Variants in TNIK observed in about 807,000 individuals in gnomAD.
TNIK encodes the protein TRAF2 and NCK interacting kinase.
Under a neutral mutation model 191.3 loss-of-function variants are expected in TNIK, and 49 were observed. The observed-to-expected ratio is 0.26, with a 90% CI of 0.20 to 0.32. The LOEUF is 0.32. TNIK is among the 10% of genes least tolerant of loss of function. The pLI, the probability that TNIK is intolerant of heterozygous loss-of-function variation, is 1.00. For missense variants in TNIK, 1,155 were observed against 1,702.3 expected (o/e 0.68, Z 5.66); for synonymous variants, 594 against 600.9 (o/e 0.99, Z 0.17).
chr3:171,271,000 T>G (rs2109188835), intron 2 of TNIK, among the ~76,000 whole-genome samples: 1 of 152,350 alleles, frequency 6.6e-6, no homozygotes, highest in East Asian at 1.9e-4. Context: ...TTTCTGGCTC[T>G]ACTGCTAAGC....
chr3:171,175,181 G>T, intron 9 of TNIK, 71 bp downstream of exon 9: 1 of 1,433,236 alleles, frequency 7.0e-7, no homozygotes, highest in South Asian at 1.2e-5. Context: ...CTAGGGATTA[G>T]AGCTAATCCA....
intron 1 of TNIK, among the ~76,000 whole-genome samples, chr3:171,403,074 G>A (rs887900041): frequency 3.3e-5 from 5 of 152,196 alleles, no homozygotes; most frequent in Non-Finnish European, 5.9e-5. Flanking sequence ...GGAAATGGGA[G>A]CTAGCACAAA....
Position 171,159,115 on chromosome 3 carries a change from G to A in TNIK, c.1017-1451C>T, listed in dbSNP as rs1198297030. 6.6e-6 allele frequency among the ~76,000 whole-genome samples: 1 copy of A among 152,190 alleles called. No homozygotes were observed. The highest frequency in any genetic ancestry group is 1.5e-5 in the Non-Finnish European group (1 of 68,032). ...TTGGCTGCTAAATGGATGACCTAGC[G>A]AGGGGTACAGGGGCAAGCACAGCAA... On this transcript the variant is annotated intron_variant, in intron 11 of 32. Transcript: ENST00000436636. The surrounding 1 kb of genome is among the most constrained non-coding windows in gnomAD (Gnocchi z 4.1).
chr3:171,296,791 C>T (rs1030612418), intron 2 of TNIK, among the ~76,000 whole-genome samples: 2 of 152,296 alleles, frequency 1.3e-5, no homozygotes, highest in Admixed American at 6.5e-5. Flanking sequence ...TTAAATGACA[C>T]TTTTATCTAG....
intron 2 of TNIK, among the ~76,000 whole-genome samples, chr3:171,357,152 C>G (rs574507012): frequency 2.2e-4 from 34 of 152,258 alleles, no homozygotes; most frequent in Non-Finnish European, 4.0e-4. Flanking sequence ...ACTGTTTTTA[C>G]TTATCAGGTA....
rs112427253 is a variant in TNIK, at chr3:171,258,947, A to G, written c.124-30726T>C. Reference sequence around the variant, plus strand: ...AAAATAATCAGACACATGTGCGCGCACACACACGCAAACACGCCACTGAAA... The same window carrying G: ...AAAATAATCAGACACATGTGCGCGCGCACACACGCAAACACGCCACTGAAA... On this transcript the variant is annotated intron_variant, in intron 2 of 32. Transcript: ENST00000436636. Among the ~76,000 whole-genome samples, 290 of 152,222 alleles carry G rather than the reference A, an allele frequency of 1.9e-3. 2 individuals carry two copies. The highest frequency in any genetic ancestry group is 6.5e-3 in the African/African-American group (271 of 41,548).
At chr3:171,442,546 C>T (rs1347606856) in intron 1 of TNIK, among the ~76,000 whole-genome samples, 1 of 152,146 alleles carries the variant, frequency 6.6e-6, no homozygotes, top group African/African-American at 2.4e-5. Flanking sequence ...CTGTATCTCT[C>T]TAAGATTTAT....
intron 2 of TNIK, among the ~76,000 whole-genome samples, chr3:171,365,232 G>A (rs1715567196): frequency 8.4e-6 from 1 of 119,664 alleles, no homozygotes. Flanking sequence ...GCCCAAGCTG[G>A]AGTGCAATGG....
chr3:171,064,217 T>C (rs368940743), intron 32 of TNIK, among the ~76,000 whole-genome samples: 55 of 152,352 alleles, frequency 3.6e-4, no homozygotes, highest in African/African-American at 9.9e-4. Context: ...ATATCTTCAT[T>C]TGTAACATCT....
chr3:171,234,516 G>A lies in TNIK; in HGVS notation c.124-6295C>T, dbSNP rs1332477915. ...GAATTCCTTTGCTTGGCACCTCTGA[G>A]TGACAGAAAATGGATTGCTTTCAAG... is the stretch of plus-strand genomic sequence containing the variant. On this transcript the variant is annotated intron_variant, in intron 2 of 32. Coordinates refer to ENST00000436636, the MANE Select transcript of TNIK (RefSeq NM_015028.4). Among the ~76,000 whole-genome samples the A allele has an allele frequency of 2.0e-5, 3 of 152,210 alleles. No homozygotes were observed. The East Asian group carries it at 5.8e-4, about 29-fold the overall frequency.
At chr3:171,197,726 A>G (rs1738884830) in intron 4 of TNIK, among the ~76,000 whole-genome samples, 2 of 152,222 alleles carry the variant, frequency 1.3e-5, no homozygotes, top group African/African-American at 4.8e-5. Context: ...ATCTACTAGG[A>G]TGGATGTTAA....
At chr3:171,226,254 G>A (rs560675422) in intron 3 of TNIK, among the ~76,000 whole-genome samples, 1 of 152,244 alleles carries the variant, frequency 6.6e-6, no homozygotes, top group South Asian at 2.1e-4. Flanking sequence ...AAGTAGTAAT[G>A]TTGTATGGAA....
At chr3:171,457,967 G>C (rs1428272677) in intron 1 of TNIK, among the ~76,000 whole-genome samples, 1 of 152,204 alleles carries the variant, frequency 6.6e-6, no homozygotes, top group African/African-American at 2.4e-5. Flanking sequence ...CTGCCTGCAG[G>C]CTCCGTGCTT....
chr3:171,427,231 C>T (rs1724762663), intron 1 of TNIK, among the ~76,000 whole-genome samples: 1 of 152,158 alleles, frequency 6.6e-6, no homozygotes, highest in African/African-American at 2.4e-5. Flanking sequence ...TCCTCTCCAT[C>T]TCAGCAGAAA....
chr3:171,119,505 T>C (rs1282796275), intron 18 of TNIK, among the ~76,000 whole-genome samples: 3 of 152,222 alleles, frequency 2.0e-5, no homozygotes, highest in South Asian at 2.1e-4. Context: ...CGTATGTTTA[T>C]TGAGGCACTA....
chr3:171,092,850 G>A (rs1027655935), intron 23 of TNIK, among the ~76,000 whole-genome samples: 1 of 152,188 alleles, frequency 6.6e-6, no homozygotes, highest in Non-Finnish European at 1.5e-5. Context: ...ACTCTGTCCT[G>A]GCTGAAGAGG....
chr3:171,348,879 G>T (rs776633829), intron 2 of TNIK, among the ~76,000 whole-genome samples: 1 of 151,998 alleles, frequency 6.6e-6, no homozygotes, highest in Non-Finnish European at 1.5e-5. Context: ...AATTTAAAAA[G>T]TATGTACTAT....
intron 2 of TNIK, among the ~76,000 whole-genome samples, chr3:171,286,521 G>A (rs979465060): frequency 6.6e-6 from 1 of 152,122 alleles, no homozygotes; most frequent in African/African-American, 2.4e-5. Flanking sequence ...TGTAATCTCA[G>A]CTACTGGGGA....
At chr3:171,094,770 G>A (rs549517048) in intron 22 of TNIK, among the ~76,000 whole-genome samples, 1 of 152,182 alleles carries the variant, frequency 6.6e-6, no homozygotes, top group African/African-American at 2.4e-5. Context: ...CCTATGTCTT[G>A]TCCCAACAGC....
Sources: gnomAD v4.1 joint callset for allele counts (sites outside exome capture counted in the v4.1 genomes callset) on GRCh38, gnomAD v4.1.1 for gene constraint, Gnocchi (gnomAD v3.1) non-coding constraint, MANE v1.5 for transcripts, NCBI Gene and HGNC (gene_info 2026-07-23, HGNC 2026-07-21) for gene names.